The following PM20D2 variants were observed in gnomAD, a reference collection of about 807,000 sequenced individuals.
The protein encoded by PM20D2 is peptidase M20 domain containing 2, also known as xaa-Arg dipeptidase.
PM20D2 carries 33 observed loss-of-function variants against 42.9 expected under a neutral mutation model. The ratio of observed to expected loss-of-function variants is 0.77; its 90% CI spans 0.58 to 1.03. PM20D2 has a LOEUF of 1.03. Ranked by LOEUF, PM20D2 falls within the 50% of genes least tolerant of loss-of-function variation. The probability of loss-of-function intolerance (pLI) is 0.00; values close to 1 mark genes in which losing one functional copy is unlikely to be tolerated. For missense variants in PM20D2, 548 were observed against 557.0 expected, an observed-to-expected ratio of 0.98 and a Z score of 0.16; for synonymous variants, 250 against 228.2, an observed-to-expected ratio of 1.10 and a Z score of -0.86.
the PM20D2 span, among the ~76,000 whole-genome samples, chr6:89,118,632 T>G: frequency 1.5e-3 from 227 of 152,222 alleles, no homozygotes; most frequent in African/African-American, 5.2e-3. Context: ...GATTTTTAAG[T>G]ATTATATGAT....
the PM20D2 span, among the ~76,000 whole-genome samples, chr6:89,140,791 G>T: frequency 6.6e-6 from 1 of 152,142 alleles, no homozygotes; most frequent in Non-Finnish European, 1.5e-5. Flanking sequence ...GAAGCCAAAG[G>T]GAGCCTCAGG....
chr6:89,154,922 A>AG lies in PM20D2; in HGVS notation c.912+20_912+21insG. On this transcript the variant is annotated intron_variant, in intron 4 of 6. Coordinates refer to ENST00000275072, the MANE Select transcript of PM20D2 (RefSeq NM_001010853.3). ...TGCACAGTAAGAACTTTTAAAAGTT[A>AG]ATCTAAGTTACAATCAGAGGTATAT... 1 of 1,550,418 alleles carries AG rather than the reference A, an allele frequency of 6.4e-7. No homozygotes were observed. The highest frequency in any genetic ancestry group is 8.7e-7 in the Non-Finnish European group (1 of 1,151,832).
chr6:89,159,149 C>G (rs747944008), intron 5 of PM20D2, among the ~76,000 whole-genome samples: 6 of 152,076 alleles, frequency 3.9e-5, no homozygotes, highest in Non-Finnish European at 7.3e-5. Flanking sequence ...CCTGTTAAAT[C>G]TAGAACCCAA....
At chr6:89,111,525 T>C in the PM20D2 span, among the ~76,000 whole-genome samples, 1 of 152,170 alleles carries the variant, frequency 6.6e-6, no homozygotes, top group Non-Finnish European at 1.5e-5. Flanking sequence ...TTACTAAACT[T>C]ATTAGTTCTA....
Position 89,154,904 on chromosome 6 carries a change from T to C in PM20D2, c.912+2T>C. The C allele has an allele frequency of 6.4e-7, 1 of 1,571,828 alleles. No homozygotes were observed. Among genetic ancestry groups the C allele is most frequent in the Non-Finnish European group, 8.6e-7 (1 of 1,163,872 alleles). The stretch of plus-strand genomic sequence containing the variant: ...GCAGCTTTGGCTTCAGGGTGCACAG[T>C]AAGAACTTTTAAAAGTTAATCTAAG... On this transcript the variant is annotated splice_donor_variant, in intron 4 of 6. Coordinates refer to ENST00000275072, the MANE Select transcript of PM20D2 (RefSeq NM_001010853.3). LOFTEE classifies it high-confidence loss of function.
At chr6:89,136,484 T>C in the PM20D2 span, among the ~76,000 whole-genome samples, 1 of 150,796 alleles carries the variant, frequency 6.6e-6, no homozygotes, top group Non-Finnish European at 1.5e-5. Flanking sequence ...GAGACCATCC[T>C]GGCTAACACG....
chr6:89,113,177 T>C, the PM20D2 span, among the ~76,000 whole-genome samples: 124 of 152,112 alleles, frequency 8.2e-4, no homozygotes, highest in African/African-American at 2.8e-3. Context: ...TTTATCCCAA[T>C]GATTTATTTT....
the PM20D2 span, among the ~76,000 whole-genome samples, chr6:89,095,189 T>C: frequency 6.6e-6 from 1 of 152,170 alleles, no homozygotes; most frequent in Non-Finnish European, 1.5e-5. Flanking sequence ...CTACCCTGTC[T>C]TTGGAAAACA....
chr6:89,136,452 C>T, the PM20D2 span, among the ~76,000 whole-genome samples: 17 of 150,692 alleles, frequency 1.1e-4, no homozygotes, highest in South Asian at 1.2e-3. Flanking sequence ...CTGAGGCGGG[C>T]GGATCACAAG....
chr6:89,150,030 C>A (rs1300051919), intron 2 of PM20D2, among the ~76,000 whole-genome samples: 1 of 152,124 alleles, frequency 6.6e-6, no homozygotes, highest in Non-Finnish European at 1.5e-5. Context: ...AAATTTCAAC[C>A]ATAGTAGTAA....
At chr6:89,133,122 G>C in the PM20D2 span, among the ~76,000 whole-genome samples, 1 of 150,050 alleles carries the variant, frequency 6.7e-6, no homozygotes, top group Non-Finnish European at 1.5e-5. Flanking sequence ...CCAGCTACTT[G>C]AGAGGCTGAG....
intron 4 of PM20D2, among the ~76,000 whole-genome samples, chr6:89,157,186 C>T (rs1412044439): frequency 2.0e-5 from 3 of 152,136 alleles, no homozygotes; most frequent in Admixed American, 1.3e-4. Context: ...GTGCTTTGGC[C>T]TCCCAAAGTT....
intron 4 of PM20D2, among the ~76,000 whole-genome samples, chr6:89,157,071 A>C (rs1470017469): frequency 6.6e-6 from 1 of 151,862 alleles, no homozygotes; most frequent in Non-Finnish European, 1.5e-5. Context: ...ATTGGATTTG[A>C]ATCTATATTT....
At chr6:89,126,277 C>A in the PM20D2 span, among the ~76,000 whole-genome samples, 1 of 152,008 alleles carries the variant, frequency 6.6e-6, no homozygotes, top group African/African-American at 2.4e-5. Context: ...CATCTGTAGT[C>A]CCAGCTACTG....
the PM20D2 span, chr6:89,098,840 C>T: frequency 2.9e-5 from 46 of 1,613,918 alleles, no homozygotes; most frequent in Non-Finnish European, 3.6e-5. Context: ...TCCTCTAGAG[C>T]CAAAATTCCT....
At chr6:89,105,337 A>G in the PM20D2 span, 24,649 of 1,560,214 alleles carry the variant, frequency 0.016, 1,806 homozygotes, top group African/African-American at 0.2. Flanking sequence ...ACTAGCAATC[A>G]TTTACTGAAA....
At chr6:89,148,622 T>G in intron 1 of PM20D2, 1 of 897,148 alleles carries the variant, frequency 1.1e-6, no homozygotes. Flanking sequence ...CATTAAGACT[T>G]GTTTAATGTT....
At position 89,162,231 on chromosome 6, in the gene PM20D2, C is replaced by T; in HGVS notation, c.1279C>T (p.Gln427Ter). Residue 427 changes from glutamine (Q) to a stop codon, truncating the protein, a stop_gained, in exon 7 of 7, where the codon CAA becomes TAA. Coordinates refer to ENST00000275072, the MANE Select transcript of PM20D2 (RefSeq NM_001010853.3). LOFTEE classifies it high-confidence loss of function. The stretch of plus-strand genomic sequence containing the variant: ...CAGAGAGGACTTTAAACTGAAACTT[C>T]AAGAAGAACAGTTTGTAAATGCAGT... ...GIREDFKLKL[Q>*]EEQFVNAVE 1 of 1,613,850 alleles carries T rather than the reference C, an allele frequency of 6.2e-7. No individual in the cohort carries two copies. Among genetic ancestry groups the T allele is most frequent in the Non-Finnish European group, 8.5e-7 (1 of 1,179,890 alleles).
At chr6:89,119,128 A>G in the PM20D2 span, among the ~76,000 whole-genome samples, 1 of 152,194 alleles carries the variant, frequency 6.6e-6, no homozygotes. Context: ...CTGCAGCTGT[A>G]CTGGAACGGT....
Sources: gnomAD v4.1 joint callset for allele counts (sites outside exome capture counted in the v4.1 genomes callset) on GRCh38, gnomAD v4.1.1 for gene constraint, MANE v1.5 for transcripts, NCBI Gene and HGNC (gene_info 2026-07-23, HGNC 2026-07-21) for gene names.